CADM2: variants seen among roughly 807,000 people sequenced by gnomAD.
CADM2 encodes immunoglobulin superfamily member 4D.
In CADM2, 12 loss-of-function variants were observed where a neutral mutation model predicts 49.8. That is an observed-to-expected ratio of 0.24 (90% CI 0.15 to 0.39). The LOEUF (loss-of-function observed/expected upper bound fraction) is 0.39. CADM2 is among the 10% of genes least tolerant of loss of function. The pLI is 1.00. For synonymous variants in CADM2, 214 were observed against 175.4 expected (o/e 1.22, Z -1.74); for missense variants, 378 against 492.3 (o/e 0.77, Z 2.20).
chr3:85,094,920 C>T (rs2037736869), intron 1 of CADM2, among the ~76,000 whole-genome samples: 2 of 151,962 alleles, frequency 1.3e-5, no homozygotes, highest in African/African-American at 4.8e-5. Flanking sequence ...CAGATATTAG[C>T]TTCCAACATA....
intron 1 of CADM2, among the ~76,000 whole-genome samples, chr3:85,725,399 C>G (rs202224951): frequency 1.3e-5 from 2 of 151,774 alleles, no homozygotes; most frequent in East Asian, 3.9e-4. Context: ...GATCTAAAAT[C>G]TATGTTAAAT....
Position 85,142,816 on chromosome 3 carries a change from C to T in CADM2, c.61+183148C>T, listed in dbSNP as rs542429405. ...TTAACCAGCCATGAGAATTCCCGCA[C>T]AGTCTCTCAGAGCCAATATAAATCA... On this transcript the variant is annotated intron_variant, in intron 1 of 9. Transcript: ENST00000383699. 3.3e-5 allele frequency among the ~76,000 whole-genome samples: 5 copies of T among 152,290 alleles called. No individual in the cohort carries two copies. The South Asian group carries it at 6.2e-4, about 19-fold the overall frequency.
intron 1 of CADM2, chr3:84,960,582 G>C (rs1463698323): frequency 6.6e-6 from 1 of 151,356 alleles, no homozygotes; most frequent in African/African-American, 2.4e-5. Context: ...TCTCTCTGCC[G>C]CTTCTTTCCG....
chr3:85,632,904 A>G (rs1391286060), intron 1 of CADM2, among the ~76,000 whole-genome samples: 2 of 152,102 alleles, frequency 1.3e-5, no homozygotes, highest in Non-Finnish European at 2.9e-5. Flanking sequence ...ATTTTATTCT[A>G]TTAAATTAAC....
intron 1 of CADM2, among the ~76,000 whole-genome samples, chr3:85,658,579 T>C (rs1358634923): frequency 1.4e-3 from 60 of 43,650 alleles, no homozygotes; most frequent in African/African-American, 6.5e-3. Flanking sequence ...TATATGTGTA[T>C]ATATATATAT....
chr3:85,218,185 G>A (rs946444843), intron 1 of CADM2, among the ~76,000 whole-genome samples: 10 of 151,992 alleles, frequency 6.6e-5, no homozygotes, highest in African/African-American at 1.9e-4. Context: ...TGGAAATTGT[G>A]TACTAGCTTA....
At chr3:85,859,779 C>T (rs1296201076) in intron 3 of CADM2, among the ~76,000 whole-genome samples, 1 of 152,106 alleles carries the variant, frequency 6.6e-6, no homozygotes, top group Non-Finnish European at 1.5e-5. Context: ...CTTTGTTCTC[C>T]TTATGTCAGT....
intron 8 of CADM2, among the ~76,000 whole-genome samples, chr3:86,041,746 A>C (rs1735972498): frequency 6.6e-6 from 1 of 152,214 alleles, no homozygotes; most frequent in Non-Finnish European, 1.5e-5. Flanking sequence ...AGACATCTAC[A>C]GAACTTTCCC....
At chr3:85,605,496 T>C (rs1007680860) in intron 1 of CADM2, among the ~76,000 whole-genome samples, 12 of 152,176 alleles carry the variant, frequency 7.9e-5, no homozygotes, top group Admixed American at 5.2e-4. Flanking sequence ...TAAGTTGATA[T>C]ATAAGCAGGA....
intron 1 of CADM2, among the ~76,000 whole-genome samples, chr3:85,569,111 T>A (rs1452651754): frequency 6.6e-6 from 1 of 152,160 alleles, no homozygotes; most frequent in Non-Finnish European, 1.5e-5. Flanking sequence ...TCCCTAGTGA[T>A]GCATTTTTAT....
rs1739875791 is a variant in CADM2 at position 86,071,662 on chromosome 3, G to A, written c.*4879G>A. 6.6e-6 allele frequency: 1 copy of A among 151,826 alleles called. No homozygotes were observed. Among genetic ancestry groups the A allele is most frequent in the South Asian group, 2.1e-4 (1 of 4,832 alleles). 9.4% of individuals were successfully genotyped at this position (151,826 alleles called of 1,614,324 possible). ...ATTCTTATGGAACTATTATAACAGT[G>A]CACTCCCCACCCCCTGGGAAATCTC... On this transcript the variant is annotated 3_prime_UTR_variant, in exon 10 of 10. Transcript: ENST00000383699.
intron 1 of CADM2, among the ~76,000 whole-genome samples, chr3:85,519,633 G>A (rs959231942): frequency 3.3e-5 from 5 of 151,944 alleles, no homozygotes. Context: ...TAATAAACAC[G>A]ACATCAACTT....
intron 1 of CADM2, among the ~76,000 whole-genome samples, chr3:85,332,443 G>A (rs58021247): frequency 0.073 from 11,080 of 151,948 alleles, 742 homozygotes; most frequent in African/African-American, 0.18. Context: ...AGGGATCCTT[G>A]AAAAATAGTG....
chr3:85,466,904 T>C lies in CADM2; in HGVS notation c.62-259618T>C, dbSNP rs538062544. Among the ~76,000 whole-genome samples the C allele has an allele frequency of 1.6e-4, 24 of 152,298 alleles. No individual in the cohort carries two copies. The East Asian group carries it at 3.1e-3, about 20-fold the overall frequency. Reference sequence around the variant, plus strand: ...TTTTACTTTTCTCTCACATTCTTTCTTGGAACTAACTTAACATTTTGATCC... The same window carrying C: ...TTTTACTTTTCTCTCACATTCTTTCCTGGAACTAACTTAACATTTTGATCC... On this transcript the variant is annotated intron_variant, in intron 1 of 9. Coordinates refer to ENST00000383699, the MANE Select transcript of CADM2 (RefSeq NM_001167675.2).
At chr3:85,278,514 T>A (rs1460722095) in intron 1 of CADM2, among the ~76,000 whole-genome samples, 1 of 151,484 alleles carries the variant, frequency 6.6e-6, no homozygotes, top group Non-Finnish European at 1.5e-5. Flanking sequence ...ACTTTTTGAT[T>A]TTACACGTTC....
intron 1 of CADM2, among the ~76,000 whole-genome samples, chr3:85,673,564 C>A (rs6807339): frequency 6.6e-6 from 1 of 150,654 alleles, no homozygotes; most frequent in Admixed American, 6.6e-5. Context: ...AAAAAAACAC[C>A]AATTCTGACA....
chr3:85,516,003 A>G (rs1234100445), intron 1 of CADM2, among the ~76,000 whole-genome samples: 1 of 152,206 alleles, frequency 6.6e-6, no homozygotes. Context: ...AAAGGAAATC[A>G]AATACAACTG....
intron 1 of CADM2, among the ~76,000 whole-genome samples, chr3:85,434,965 A>G (rs771145740): frequency 2.4e-4 from 37 of 152,146 alleles, no homozygotes; most frequent in Admixed American, 1.6e-3. Context: ...CTAACTAGTC[A>G]GTAATTTATA....
rs1203234833 is a variant in CADM2, at chr3:85,661,613, CT to C, written c.62-64901del. On this transcript the variant is annotated intron_variant, in intron 1 of 9. Coordinates refer to ENST00000383699, the MANE Select transcript of CADM2 (RefSeq NM_001167675.2). ...TTTACCTAGTTTATTTTCCAAAGCT[CT>C]TTTTTTTCTCCCCTAAGTATTTTTC... Among the ~76,000 whole-genome samples, 5 of 151,824 alleles carry C rather than the reference CT, an allele frequency of 3.3e-5. No homozygotes were observed. In the East Asian group the frequency reaches 7.8e-4, roughly 24 times the overall value.
Sources: gnomAD v4.1 joint callset for allele counts (sites outside exome capture counted in the v4.1 genomes callset) on GRCh38, gnomAD v4.1.1 for gene constraint, MANE v1.5 for transcripts, NCBI Gene and HGNC (gene_info 2026-07-23, HGNC 2026-07-21) for gene names.